FAM241A: variants seen among roughly 807,000 people sequenced by gnomAD.
FAM241A encodes the protein uncharacterized protein FAM241A.
In FAM241A, 7 loss-of-function variants were observed where a neutral mutation model predicts 12.2. That is an observed-to-expected ratio of 0.58 (90% confidence interval 0.33 to 1.08). The LOEUF (loss-of-function observed/expected upper bound fraction) is 1.08, where lower values mean the gene tolerates loss of function less well. Among genes scored for constraint, FAM241A ranks in the 50% least tolerant of loss-of-function variants. The pLI is 0.04. For synonymous variants in FAM241A, 74 were observed against 68.2 expected, an observed-to-expected ratio of 1.08 and a Z score of -0.42; for missense variants, 161 against 169.7, an observed-to-expected ratio of 0.95 and a Z score of 0.29.
At chr4:112,169,768 C>T (rs983221253) in intron 1 of FAM241A, among the ~76,000 whole-genome samples, 1 of 152,202 alleles carries the variant, frequency 6.6e-6, no homozygotes, top group Admixed American at 6.5e-5. Context: ...ACTATGTATT[C>T]TCAACTGCAA....
intron 1 of FAM241A, among the ~76,000 whole-genome samples, chr4:112,174,443 A>C (rs758899356): frequency 2.0e-5 from 3 of 152,214 alleles, no homozygotes; most frequent in Non-Finnish European, 4.4e-5. Flanking sequence ...GAAGAGCTCC[A>C]TAGATTTCCC....
chr4:112,190,110 C>T lies in FAM241A; in HGVS notation c.*3172C>T, dbSNP rs1298070498. Reference sequence around the variant, plus strand: ...CATGTTTTGACCACAGAAAATCTCTCTAGGCTGTCACCAAGCTGTAAATCC... The same window carrying T: ...CATGTTTTGACCACAGAAAATCTCTTTAGGCTGTCACCAAGCTGTAAATCC... On this transcript the variant is annotated 3_prime_UTR_variant, in exon 2 of 2. Coordinates refer to ENST00000309733, the MANE Select transcript of FAM241A (RefSeq NM_152400.3). The T allele has an allele frequency of 3.2e-5, 4 of 125,852 alleles. No individual in the cohort carries two copies. The highest frequency in any genetic ancestry group is 1.3e-4 in the African/African-American group (4 of 30,228). 7.8% of individuals were successfully genotyped at this position (125,852 alleles called of 1,614,324 possible). A position where few individuals can be genotyped will look rare whatever the true frequency, so the allele number is the denominator to read the frequency against.
At chr4:112,181,326 CAA>C (rs61327022) in intron 1 of FAM241A, among the ~76,000 whole-genome samples, 7 of 140,850 alleles carry the variant, frequency 5.0e-5, no homozygotes, top group African/African-American at 5.3e-5. Flanking sequence ...TTGGTTTGGC[CAA>C]AAAAAAAAAG....
chr4:112,146,188 C>T (rs1329510962), intron 1 of FAM241A, among the ~76,000 whole-genome samples: 1 of 152,180 alleles, frequency 6.6e-6, no homozygotes, highest in African/African-American at 2.4e-5. Context: ...CCTAGCGTGT[C>T]TGGAAGGTGT....
rs1296903710 is a variant in FAM241A at position 112,178,864 on chromosome 4, G to A, written c.154-7829G>A. Among the ~76,000 whole-genome samples, 8 of 151,914 alleles carry A rather than the reference G, an allele frequency of 5.3e-5. No homozygotes were observed. The East Asian group carries it at 9.6e-4, about 18-fold the overall frequency. On this transcript the variant is annotated intron_variant, in intron 1 of 1. Coordinates refer to ENST00000309733, the MANE Select transcript of FAM241A (RefSeq NM_152400.3). ...ACTTCTCAAAGGAAGACATAAAAGC[G>A]GCCATGAAAAAATGCTCATCATCAC...
rs1231746591 is a variant in FAM241A at position 112,188,201 on chromosome 4, G to A, written c.*1263G>A. 6.6e-6 allele frequency: 1 copy of A among 152,090 alleles called. No individual in the cohort carries two copies. Among genetic ancestry groups the A allele is most frequent in the Non-Finnish European group, 1.5e-5 (1 of 67,976 alleles). The allele number at this position is 152,090 out of a possible 1,614,324, so 9.4% of individuals were successfully genotyped here. On this transcript the variant is annotated 3_prime_UTR_variant, in exon 2 of 2. Transcript: ENST00000309733. ...ATCTCAAAGATTATAAAGGAAAGGG[G>A]GGTAGTTAAGATTTAGAATTCAAGT... is the stretch of plus-strand genomic sequence containing the variant.
At chr4:112,166,876 A>G (rs149063009) in intron 1 of FAM241A, among the ~76,000 whole-genome samples, 1 of 151,272 alleles carries the variant, frequency 6.6e-6, no homozygotes, top group African/African-American at 2.4e-5. Context: ...GCACTTTGGG[A>G]GGCCGAGGCG....
chr4:112,156,897 A>G (rs1363280183), intron 1 of FAM241A, among the ~76,000 whole-genome samples: 12 of 152,182 alleles, frequency 7.9e-5, no homozygotes, highest in Admixed American at 7.9e-4. Flanking sequence ...ACACATAGGA[A>G]CTGGGGATAT....
intron 1 of FAM241A, among the ~76,000 whole-genome samples, chr4:112,156,229 A>G (rs1723350481): frequency 6.6e-6 from 1 of 152,162 alleles, no homozygotes; most frequent in African/African-American, 2.4e-5. Flanking sequence ...AGATAGATCA[A>G]TTCTATCTCA....
intron 1 of FAM241A, among the ~76,000 whole-genome samples, chr4:112,155,053 C>T (rs1025671362): frequency 6.6e-6 from 1 of 151,784 alleles, no homozygotes; most frequent in Non-Finnish European, 1.5e-5. Context: ...CCTCCCCCGC[C>T]ACAAAAAAAG....
chr4:112,156,576 C>G (rs1378549496), intron 1 of FAM241A, among the ~76,000 whole-genome samples: 4 of 152,220 alleles, frequency 2.6e-5, no homozygotes, highest in Admixed American at 2.0e-4. Context: ...AGAGATGAAT[C>G]TGTCAAAACT....
chr4:112,167,129 A>T (rs200130319), intron 1 of FAM241A, among the ~76,000 whole-genome samples: 6 of 125,848 alleles, frequency 4.8e-5, no homozygotes, highest in African/African-American at 1.3e-4. Flanking sequence ...AAAAAAAAAT[A>T]AAAATAAAAA....
intron 1 of FAM241A, among the ~76,000 whole-genome samples, chr4:112,170,672 C>T (rs1054296162): frequency 6.6e-6 from 1 of 152,066 alleles, no homozygotes; most frequent in African/African-American, 2.4e-5. Flanking sequence ...AAATGGCCCA[C>T]AATTTAAAAT....
rs1022402962 is a variant in FAM241A at position 112,168,728 on chromosome 4, G to A, written c.154-17965G>A. Among the ~76,000 whole-genome samples the A allele has an allele frequency of 2.6e-5, 4 of 151,988 alleles. No homozygotes were observed. In the South Asian group the frequency reaches 8.3e-4, roughly 32 times the overall value. ...TGCCCAGGCTGGAGTGCAATGGCGC[G>A]ATCTCAGCTCATTGCAACTTCCACC... On this transcript the variant is annotated intron_variant, in intron 1 of 1. Transcript: ENST00000309733.
Position 112,145,594 on chromosome 4 carries a change from G to A in FAM241A, c.14G>A (p.Gly5Glu), listed in dbSNP as rs755364414. The change falls in exon 1 of 2, where the codon GGG becomes GAG. Residue 5 changes from glycine (G) to glutamate (E), a missense_variant. Transcript: ENST00000309733. ...GTTGGCTGCGGGATGTGCTCAGCCG[G>A]GGAGCTGCTGCGGGGCGGCGACGGC... is the stretch of plus-strand genomic sequence containing the variant. MCSA[G>E]ELLRGGDGGE... The A allele has an allele frequency of 2.6e-5, 33 of 1,246,392 alleles. No individual in the cohort carries two copies. Among genetic ancestry groups the A allele is most frequent in the Non-Finnish European group, 3.1e-5 (31 of 994,628 alleles). 77.2% of individuals were successfully genotyped at this position (1,246,392 alleles called of 1,614,324 possible).
At position 112,193,923 on chromosome 4, in the gene FAM241A, A is replaced by T. The variant is rs201767125; in HGVS notation, c.*6985A>T. On this transcript the variant is annotated 3_prime_UTR_variant, in exon 2 of 2. Coordinates refer to ENST00000309733, the MANE Select transcript of FAM241A (RefSeq NM_152400.3). ...GCTTGATGGGGATGGCATTGAATCTATAAATTACCTTGGGCAGTATGGCCA... is the reference window on the plus strand; with the variant it reads ...GCTTGATGGGGATGGCATTGAATCTTTAAATTACCTTGGGCAGTATGGCCA... The T allele has an allele frequency of 6.8e-6, 1 of 148,108 alleles. No individual in the cohort carries two copies. Among genetic ancestry groups the T allele is most frequent in the Non-Finnish European group, 1.5e-5 (1 of 67,274 alleles). The allele number at this position is 148,108 out of a possible 1,614,324, so 9.2% of individuals were successfully genotyped here. A position where few individuals can be genotyped will look rare whatever the true frequency, so the allele number is the denominator to read the frequency against.
At chr4:112,179,914 G>GAGATATATATATATATATATATAT (rs1479640205) in intron 1 of FAM241A, among the ~76,000 whole-genome samples, 3 of 117,770 alleles carry the variant, frequency 2.5e-5, no homozygotes, top group African/African-American at 1.0e-4. Flanking sequence ...AAGAAAATGT[G>GAGATATATATATATATATATATAT]ATATATATAT....
chr4:112,149,532 T>C (rs1337515955), intron 1 of FAM241A, among the ~76,000 whole-genome samples: 1 of 152,208 alleles, frequency 6.6e-6, no homozygotes, highest in Non-Finnish European at 1.5e-5. Flanking sequence ...TCTACCCTGG[T>C]ATAGATTCCT....
chr4:112,149,252 C>G (rs566674395), intron 1 of FAM241A, among the ~76,000 whole-genome samples: 3 of 152,050 alleles, frequency 2.0e-5, no homozygotes, highest in Admixed American at 6.6e-5. Context: ...GCAATCCTCC[C>G]GTCTCAGCCT....
Sources: gnomAD v4.1 joint callset for allele counts (sites outside exome capture counted in the v4.1 genomes callset) on GRCh38, gnomAD v4.1.1 for gene constraint, MANE v1.5 for transcripts, NCBI Gene and HGNC (gene_info 2026-07-23, HGNC 2026-07-21) for gene names.